Variants in ACMSD observed in about 807,000 individuals in gnomAD.
ACMSD encodes the protein 2-amino-3-carboxymuconate-6-semialdehyde decarboxylase.
Under a neutral mutation model 45.9 loss-of-function variants are expected in ACMSD, and 37 were observed. The ratio of observed to expected loss-of-function variants is 0.81; its 90% CI spans 0.62 to 1.06. ACMSD has a LOEUF of 1.06. ACMSD is among the 50% of genes least tolerant of loss of function. ACMSD has a pLI of 0.00. For synonymous variants in ACMSD, 138 were observed against 148.8 expected, an observed-to-expected ratio of 0.93 and a Z score of 0.53; for missense variants, 434 against 420.9, an observed-to-expected ratio of 1.03 and a Z score of -0.27.
chr2:134,849,362 C>T (rs1247908560), intron 2 of ACMSD, among the ~76,000 whole-genome samples: 3 of 151,934 alleles, frequency 2.0e-5, no homozygotes, highest in African/African-American at 4.8e-5. Context: ...CAAAGCAAAC[C>T]AAAACATACC....
intron 3 of ACMSD, among the ~76,000 whole-genome samples, 184 bp from the exon 4 acceptor site, chr2:134,861,785 C>T (rs979141170): frequency 1.4e-5 from 2 of 140,850 alleles, no homozygotes; most frequent in African/African-American, 5.1e-5. Flanking sequence ...CCAATCTTTA[C>T]TTACTTCCCT....
At chr2:134,874,258 C>G (rs921923768) in intron 8 of ACMSD, among the ~76,000 whole-genome samples, 1 of 152,208 alleles carries the variant, frequency 6.6e-6, no homozygotes, top group African/African-American at 2.4e-5. Flanking sequence ...TACATTCAAA[C>G]TGTGAAAGCT....
intron 8 of ACMSD, among the ~76,000 whole-genome samples, chr2:134,884,786 T>C (rs1221200903): frequency 2.6e-5 from 4 of 152,216 alleles, no homozygotes; most frequent in Non-Finnish European, 5.9e-5. Context: ...TACTTTCCCA[T>C]ATTATTTCAT....
intron 9 of ACMSD, among the ~76,000 whole-genome samples, 195 bp downstream of exon 9, chr2:134,898,634 T>A (rs779331778): frequency 2.0e-5 from 3 of 152,110 alleles, no homozygotes; most frequent in Non-Finnish European, 4.4e-5. Flanking sequence ...AAAGTCAGCC[T>A]AGTACAACTA....
At chr2:134,893,602 C>G (rs560295315) in intron 8 of ACMSD, among the ~76,000 whole-genome samples, 1 of 152,256 alleles carries the variant, frequency 6.6e-6, no homozygotes, top group East Asian at 1.9e-4. Flanking sequence ...CTCCACCCAC[C>G]ATGTTGATGA....
chr2:134,845,225 C>T lies in ACMSD; in HGVS notation c.58-8C>T. On this transcript the variant is annotated splice_region_variant and splice_polypyrimidine_tract_variant and intron_variant, in intron 1 of 9. Transcript: ENST00000356140. Reference sequence around the variant, plus strand: ...CTTTGACTCTAACTGTGCTTCTCCCCACTGCAGAGGTTTGGCTACGGAGGC... The same window carrying T: ...CTTTGACTCTAACTGTGCTTCTCCCTACTGCAGAGGTTTGGCTACGGAGGC... 1.9e-6 allele frequency: 3 copies of T among 1,614,084 alleles called. No individual in the cohort carries two copies. Among genetic ancestry groups the T allele is most frequent in the Non-Finnish European group, 2.5e-6 (3 of 1,179,990 alleles).
chr2:134,861,889 T>C, intron 3 of ACMSD, 80 bp from the exon 4 acceptor site: 1 of 1,517,018 alleles, frequency 6.6e-7, no homozygotes, highest in Non-Finnish European at 9.2e-7. Context: ...GGAGGCTTGC[T>C]GCCGCTTGGC....
chr2:134,843,289 G>C (rs1273636485), intron 1 of ACMSD, among the ~76,000 whole-genome samples: 1 of 152,132 alleles, frequency 6.6e-6, no homozygotes, highest in Non-Finnish European at 1.5e-5. Flanking sequence ...TCCCTTGCCT[G>C]CCCAGCCTGC....
At chr2:134,867,080 C>T (rs1174200835) in intron 5 of ACMSD, among the ~76,000 whole-genome samples, 1 of 152,258 alleles carries the variant, frequency 6.6e-6, no homozygotes, top group Non-Finnish European at 1.5e-5. Context: ...CAGCACATCA[C>T]TTCTTCACTT....
intron 8 of ACMSD, among the ~76,000 whole-genome samples, chr2:134,880,470 C>G (rs1313126725): frequency 1.3e-5 from 2 of 151,968 alleles, no homozygotes; most frequent in Admixed American, 6.6e-5. Flanking sequence ...TGTTTTCTGT[C>G]TTACATACCA....
chr2:134,874,049 G>T (rs1573674782), intron 8 of ACMSD, among the ~76,000 whole-genome samples: 1 of 152,104 alleles, frequency 6.6e-6, no homozygotes, highest in Non-Finnish European at 1.5e-5. Flanking sequence ...ATTTTCTAAG[G>T]GATACTATCA....
intron 5 of ACMSD, among the ~76,000 whole-genome samples, chr2:134,864,603 T>C (rs1688009005): frequency 7.1e-6 from 1 of 140,532 alleles, no homozygotes; most frequent in African/African-American, 2.7e-5. Flanking sequence ...TTGATTTATT[T>C]AACCAATCTG....
intron 8 of ACMSD, among the ~76,000 whole-genome samples, chr2:134,885,907 T>C (rs2104932463): frequency 6.6e-6 from 1 of 152,276 alleles, no homozygotes; most frequent in East Asian, 1.9e-4. Flanking sequence ...GCTAGTCACA[T>C]CAGACCACAA....
intron 6 of ACMSD, 110 bp from the exon 7 acceptor site, chr2:134,870,855 T>C (rs1688398302): frequency 2.3e-6 from 2 of 867,994 alleles, no homozygotes; most frequent in East Asian, 5.1e-5. Context: ...TATGCCAGGG[T>C]ACAAGGGCCT....
In ACMSD at chr2:134,883,483, G is replaced by C. The variant is rs201217717; in HGVS notation, c.849+10842G>C. Among the ~76,000 whole-genome samples, 3 of 152,134 alleles carry C rather than the reference G, an allele frequency of 2.0e-5. No individual in the cohort carries two copies. The East Asian group carries it at 5.8e-4, about 29-fold the overall frequency. On this transcript the variant is annotated intron_variant, in intron 8 of 9. Transcript: ENST00000356140. ...ATCAATTTGCAGTTATGAAATAACA[G>C]GTGATAGAACTAGCAATAGAAAAAG...
chr2:134,867,753 T>C (rs1688176435), intron 6 of ACMSD, 81 bp downstream of exon 6: 1 of 1,138,148 alleles, frequency 8.8e-7, no homozygotes, highest in Non-Finnish European at 1.3e-6. Flanking sequence ...TTATGTCAAA[T>C]AGGGAAAGTA....
chr2:134,863,472 G>A lies in ACMSD; in HGVS notation c.327G>A (p.Arg109=), dbSNP rs866705259. 7 of 1,614,130 alleles carry A rather than the reference G, an allele frequency of 4.3e-6. No individual in the cohort carries two copies. The Admixed American group carries it at 1.2e-4, about 27-fold the overall frequency. Residue 109 remains arginine (R), a synonymous_variant, in exon 5 of 10, where the codon AGG becomes AGA. Transcript: ENST00000356140. Reference sequence around the variant, plus strand: ...CCAGCACCGTTGTGAGCTACCCCAGGAGGTTCGTGGGTCTGGGGACGTTGC... The same window carrying A: ...CCAGCACCGTTGTGAGCTACCCCAGAAGGTTCGTGGGTCTGGGGACGTTGC... ...DLASTVVSYP[R]RFVGLGTLPM... is the part of the protein sequence containing the mutation.
In ACMSD at chr2:134,898,433, A is replaced by G. The variant is rs1236436373; in HGVS notation, c.942A>G (p.Glu314=). Residue 314 remains glutamate (E), a synonymous_variant, in exon 9 of 10, where the codon GAA becomes GAG. Transcript: ENST00000356140. ...AGTCCATGGAAGAATTTGATGAAGA[A>G]ACAAAGGTATAATGTCTTTTACTTC... ...LIESMEEFDE[E]TKNKLKAGNA... 2 of 1,592,114 alleles carry G rather than the reference A, an allele frequency of 1.3e-6. No individual in the cohort carries two copies. The highest frequency in any genetic ancestry group is 1.7e-6 in the Non-Finnish European group (2 of 1,170,608).
At chr2:134,842,523 C>T (rs781283659) in intron 1 of ACMSD, among the ~76,000 whole-genome samples, 4 of 152,132 alleles carry the variant, frequency 2.6e-5, no homozygotes, top group Non-Finnish European at 5.9e-5. Context: ...CTAGCACCAT[C>T]ACCATCAGCC....
Sources: allele counts gnomAD v4.1 joint callset (sites outside exome capture counted in the v4.1 genomes callset), GRCh38; gene constraint gnomAD v4.1.1; transcripts MANE v1.5; gene names NCBI Gene and HGNC (gene_info 2026-07-23, HGNC 2026-07-21).